Variants in SHISA9 observed in about 807,000 individuals in gnomAD.
SHISA9 encodes shisa family member 9.
SHISA9 carries 13 observed loss-of-function variants against 38.0 expected under a neutral mutation model. That is an observed-to-expected ratio of 0.34 (90% confidence interval 0.22 to 0.54). SHISA9 has a LOEUF of 0.54. Among genes scored for constraint, SHISA9 ranks in the 20% least tolerant of loss-of-function variants. The pLI is 0.91. For missense variants in SHISA9, 538 were observed against 575.8 expected (o/e 0.93, Z 0.67); for synonymous variants, 275 against 242.0 (o/e 1.14, Z -1.27).
chr16:13,331,879 C>T, the SHISA9 span: 1 of 152,174 alleles, frequency 6.6e-6, no homozygotes, highest in Non-Finnish European at 1.5e-5. Flanking sequence ...TGTTCAGTAT[C>T]TGGCACAGTG....
intron 2 of SHISA9, among the ~76,000 whole-genome samples, chr16:12,999,126 T>C (rs2072493770): frequency 6.6e-6 from 1 of 152,222 alleles, no homozygotes; most frequent in African/African-American, 2.4e-5. Context: ...GGAGAAAGCT[T>C]ACCTAACCTG....
At chr16:13,270,132 C>A in the SHISA9 span, among the ~76,000 whole-genome samples, 1 of 152,176 alleles carries the variant, frequency 6.6e-6, no homozygotes, top group Non-Finnish European at 1.5e-5. Flanking sequence ...CGGACTCCAA[C>A]AGAATCCAAC....
the SHISA9 span, among the ~76,000 whole-genome samples, chr16:13,521,332 C>T: frequency 6.6e-6 from 1 of 152,246 alleles, no homozygotes; most frequent in African/African-American, 2.4e-5. Context: ...AACATTCTCT[C>T]ATCCTCCCAA....
At chr16:13,066,463 T>TTTGTTG (rs1251042619) in intron 2 of SHISA9, among the ~76,000 whole-genome samples, 1 of 152,204 alleles carries the variant, frequency 6.6e-6, no homozygotes, top group Non-Finnish European at 1.5e-5. Flanking sequence ...AAACCATCTT[T>TTTGTTG]TTGTTGTTGT....
At chr16:13,449,797 C>T in the SHISA9 span, among the ~76,000 whole-genome samples, 1 of 152,080 alleles carries the variant, frequency 6.6e-6, no homozygotes, top group Non-Finnish European at 1.5e-5. Context: ...CTGGGGAGAA[C>T]CTCATTGTCT....
At chr16:12,942,550 C>T (rs982890364) in intron 2 of SHISA9, among the ~76,000 whole-genome samples, 2 of 152,252 alleles carry the variant, frequency 1.3e-5, no homozygotes, top group African/African-American at 4.8e-5. Flanking sequence ...ATGAAGACAG[C>T]ATCCTCCATA....
chr16:13,064,655 C>G (rs1044530677), intron 2 of SHISA9, among the ~76,000 whole-genome samples: 4 of 151,836 alleles, frequency 2.6e-5, no homozygotes, highest in Admixed American at 2.0e-4. Context: ...CAAATCTACC[C>G]AGAAAACAAA....
At chr16:13,074,375 A>G (rs934897458) in intron 2 of SHISA9, among the ~76,000 whole-genome samples, 1 of 152,130 alleles carries the variant, frequency 6.6e-6, no homozygotes, top group African/African-American at 2.4e-5. Context: ...AAAGTTTGAG[A>G]ACCAATGGCT....
At chr16:13,196,323 G>A (rs2050940941) in intron 2 of SHISA9, among the ~76,000 whole-genome samples, 1 of 150,122 alleles carries the variant, frequency 6.7e-6, no homozygotes, top group African/African-American at 2.5e-5. Context: ...CGTGAACCCA[G>A]GAGGCGGAGC....
chr16:13,406,279 C>T, the SHISA9 span, among the ~76,000 whole-genome samples: 2 of 152,296 alleles, frequency 1.3e-5, no homozygotes, highest in South Asian at 4.1e-4. Context: ...AATCAGATAG[C>T]TCACACTCTG....
At chr16:12,975,755 G>A (rs990929933) in intron 2 of SHISA9, among the ~76,000 whole-genome samples, 2 of 151,852 alleles carry the variant, frequency 1.3e-5, no homozygotes, top group Non-Finnish European at 2.9e-5. Context: ...GGGGGGACTG[G>A]AAAAAGAGGG....
chr16:13,352,505 C>A, the SHISA9 span, among the ~76,000 whole-genome samples: 1 of 151,992 alleles, frequency 6.6e-6, no homozygotes, highest in Admixed American at 6.6e-5. Flanking sequence ...CTCCTTGTTA[C>A]AATATAAGCA....
intron 2 of SHISA9, among the ~76,000 whole-genome samples, chr16:12,963,907 C>G (rs2071944314): frequency 6.6e-6 from 1 of 152,144 alleles, no homozygotes; most frequent in African/African-American, 2.4e-5. Context: ...GAGGGAAGAA[C>G]CATTTATGTA....
intron 2 of SHISA9, among the ~76,000 whole-genome samples, chr16:12,945,730 G>T (rs1174614476): frequency 1.3e-5 from 2 of 152,192 alleles, no homozygotes; most frequent in Non-Finnish European, 2.9e-5. Flanking sequence ...TAAATGAGAT[G>T]ATATATGTAG....
chr16:13,195,931 T>TA (rs1293805252), intron 2 of SHISA9, among the ~76,000 whole-genome samples: 3 of 150,428 alleles, frequency 2.0e-5, no homozygotes, highest in Non-Finnish European at 3.0e-5. Context: ...CTACTAAAAA[T>TA]AAAAAAATTA....
At chr16:13,457,677 A>G in the SHISA9 span, among the ~76,000 whole-genome samples, 1 of 151,488 alleles carries the variant, frequency 6.6e-6, no homozygotes, top group Non-Finnish European at 1.5e-5. Flanking sequence ...GATTAATCCC[A>G]CTTGCATTGA....
the SHISA9 span, among the ~76,000 whole-genome samples, chr16:13,395,707 C>T: frequency 6.6e-6 from 1 of 152,210 alleles, no homozygotes; most frequent in Admixed American, 6.5e-5. Flanking sequence ...GTTGTGCCTC[C>T]AGAACCTAAG....
At chr16:13,144,184 C>G (rs566248749) in intron 2 of SHISA9, among the ~76,000 whole-genome samples, 3 of 147,396 alleles carry the variant, frequency 2.0e-5, no homozygotes, top group Admixed American at 6.8e-5. Context: ...AATGGAGTCT[C>G]GCTCTGTCAT....
intron 2 of SHISA9, among the ~76,000 whole-genome samples, chr16:13,117,151 T>G (rs1353944829): frequency 6.6e-6 from 1 of 152,138 alleles, no homozygotes; most frequent in African/African-American, 2.4e-5. Context: ...AATTTTTATA[T>G]TTTTAGTGGA....
Sources: allele counts gnomAD v4.1 joint callset (sites outside exome capture counted in the v4.1 genomes callset), GRCh38; gene constraint gnomAD v4.1.1; transcripts MANE v1.5; gene names NCBI Gene and HGNC (gene_info 2026-07-23, HGNC 2026-07-21).